The following KCNIP1 variants were observed in gnomAD, a reference collection of about 807,000 sequenced individuals.
The protein encoded by KCNIP1 is potassium voltage-gated channel interacting protein 1, also known as A-type potassium channel modulatory protein KCNIP1.
A neutral mutation model predicts 33.0 loss-of-function variants in KCNIP1; 18 were observed. That is an observed-to-expected ratio of 0.55 (90% confidence interval 0.38 to 0.81). The LOEUF (loss-of-function observed/expected upper bound fraction) is 0.81. Ranked by LOEUF, KCNIP1 falls within the 30% of genes least tolerant of loss-of-function variation. The pLI, the probability that KCNIP1 is intolerant of heterozygous loss-of-function variation, is 0.00. For synonymous variants in KCNIP1, 93 were observed against 98.3 expected, an observed-to-expected ratio of 0.95 and a Z score of 0.32; for missense variants, 238 against 271.6, an observed-to-expected ratio of 0.88 and a Z score of 0.87.
At chr5:170,371,257 C>T (rs996208170) in intron 1 of KCNIP1, among the ~76,000 whole-genome samples, 1 of 152,154 alleles carries the variant, frequency 6.6e-6, no homozygotes, top group South Asian at 2.1e-4. Context: ...TCCTGTCTGT[C>T]TTGGCAGTGC....
intron 1 of KCNIP1, among the ~76,000 whole-genome samples, chr5:170,480,500 A>T (rs1305910585): frequency 6.9e-6 from 1 of 145,824 alleles, no homozygotes; most frequent in Non-Finnish European, 1.5e-5. Flanking sequence ...TTTTTGAGAC[A>T]AAGTCTCGCT....
At chr5:170,443,058 C>T (rs572908753) in intron 1 of KCNIP1, among the ~76,000 whole-genome samples, 1 of 152,330 alleles carries the variant, frequency 6.6e-6, no homozygotes, top group South Asian at 2.1e-4. Context: ...TCCCTTCCCT[C>T]ATCCTGTGGG....
intron 1 of KCNIP1, among the ~76,000 whole-genome samples, chr5:170,583,699 T>C (rs1340641057): frequency 6.6e-6 from 1 of 152,184 alleles, no homozygotes; most frequent in Non-Finnish European, 1.5e-5. Context: ...TCCTGTTAGA[T>C]CACCCACCCC....
intron 1 of KCNIP1, among the ~76,000 whole-genome samples, chr5:170,358,694 G>GC (rs1763414602): frequency 6.6e-6 from 1 of 152,196 alleles, no homozygotes; most frequent in Admixed American, 6.5e-5. Context: ...CAGGGCACCC[G>GC]CCCCCGCTTA....
chr5:170,735,951 CT>C lies in KCNIP1; in HGVS notation c.*148del. 1.5e-6 allele frequency: 1 copy of C among 664,294 alleles called. No individual in the cohort carries two copies. The highest frequency in any genetic ancestry group is 2.6e-6 in the Non-Finnish European group (1 of 381,608). The allele number at this position is 664,294 out of a possible 1,614,324, so 41.1% of individuals were successfully genotyped here. A position where few individuals can be genotyped will look rare whatever the true frequency, so the allele number is the denominator to read the frequency against. On this transcript the variant is annotated 3_prime_UTR_variant, in exon 8 of 8. Coordinates refer to ENST00000328939, the MANE Select transcript of KCNIP1 (RefSeq NM_014592.4). ...CTTTGGAAGAATTCTCTGCTGAAGA[CT>C]TTCTATGGAACCCAGCATCATGTGG...
intron 1 of KCNIP1, among the ~76,000 whole-genome samples, chr5:170,432,065 T>A (rs1195236281): frequency 2.0e-5 from 3 of 152,060 alleles, no homozygotes; most frequent in Non-Finnish European, 2.9e-5. Context: ...TGAGCCATCT[T>A]CTTACAGCTG....
At chr5:170,530,473 C>A (rs995470829) in intron 1 of KCNIP1, among the ~76,000 whole-genome samples, 1 of 152,200 alleles carries the variant, frequency 6.6e-6, no homozygotes, top group Admixed American at 6.5e-5. Context: ...TGTATCCGGA[C>A]TGCAAGGATG....
intron 1 of KCNIP1, among the ~76,000 whole-genome samples, chr5:170,493,263 C>T (rs1169952621): frequency 6.6e-6 from 1 of 152,214 alleles, no homozygotes; most frequent in Non-Finnish European, 1.5e-5. Flanking sequence ...TGGCAGCTTG[C>T]ACAATGGGTT....
At chr5:170,711,540 C>T (rs1278786209) in intron 1 of KCNIP1, among the ~76,000 whole-genome samples, 1 of 152,164 alleles carries the variant, frequency 6.6e-6, no homozygotes, top group Non-Finnish European at 1.5e-5. Context: ...AAAGCATGAA[C>T]TCTAATGTAA....
At chr5:170,395,460 G>A (rs969883028) in intron 1 of KCNIP1, among the ~76,000 whole-genome samples, 2 of 152,326 alleles carry the variant, frequency 1.3e-5, no homozygotes, top group Middle Eastern at 3.4e-3. Context: ...TTTAAGAAGG[G>A]TACTTGCTTC....
chr5:170,527,229 G>T (rs1755612309), intron 1 of KCNIP1, among the ~76,000 whole-genome samples: 1 of 152,096 alleles, frequency 6.6e-6, no homozygotes. Context: ...AGCTTCCAGG[G>T]TCTGACACAT....
At chr5:170,562,174 G>T (rs1757054658) in intron 1 of KCNIP1, among the ~76,000 whole-genome samples, 1 of 152,228 alleles carries the variant, frequency 6.6e-6, no homozygotes, top group Non-Finnish European at 1.5e-5. Flanking sequence ...TGACAAGAAA[G>T]CTTCTTGGAG....
In KCNIP1 at chr5:170,504,122, G is replaced by C. The variant is rs1273559782; in HGVS notation, c.-451G>C. 1 of 990,246 alleles carries C rather than the reference G, an allele frequency of 1.0e-6. No individual in the cohort carries two copies. The highest frequency in any genetic ancestry group is 1.2e-6 in the Non-Finnish European group (1 of 833,806). 61.3% of individuals were successfully genotyped at this position (990,246 alleles called of 1,614,324 possible). ...CTCTGTTCATTCATGATTGGTACTC[G>C]GCCCTCCGAGACCCAGCCCGAGCGC... On this transcript the variant is annotated 5_prime_UTR_variant, in exon 1 of 8. Coordinates refer to ENST00000328939, the MANE Select transcript of KCNIP1 (RefSeq NM_014592.4). The surrounding 1 kb of genome is among the most constrained non-coding windows in gnomAD (Gnocchi z 6.0).
chr5:170,509,654 C>T (rs1474256085), intron 1 of KCNIP1, among the ~76,000 whole-genome samples: 4 of 152,118 alleles, frequency 2.6e-5, no homozygotes, highest in Non-Finnish European at 4.4e-5. Context: ...GAATAAATGA[C>T]CACATGAATG....
At chr5:170,400,626 G>T (rs939320608) in intron 1 of KCNIP1, among the ~76,000 whole-genome samples, 1 of 152,224 alleles carries the variant, frequency 6.6e-6, no homozygotes, top group Admixed American at 6.5e-5. Flanking sequence ...ACTGTGCTAA[G>T]TACTTGAACT....
intron 1 of KCNIP1, among the ~76,000 whole-genome samples, chr5:170,496,288 T>C (rs1435762963): frequency 6.6e-6 from 1 of 152,240 alleles, no homozygotes. Flanking sequence ...TATCTCTGAG[T>C]CCCCAGTGAA....
At chr5:170,560,154 G>A (rs186843829) in intron 1 of KCNIP1, among the ~76,000 whole-genome samples, 3 of 152,230 alleles carry the variant, frequency 2.0e-5, no homozygotes, top group East Asian at 3.9e-4. Flanking sequence ...GCAGTGTGGG[G>A]CAGGACAGAG....
intron 1 of KCNIP1, among the ~76,000 whole-genome samples, chr5:170,429,583 C>G (rs1270671628): frequency 1.3e-5 from 2 of 152,062 alleles, no homozygotes; most frequent in East Asian, 3.9e-4. Context: ...TATATTGTAC[C>G]CATCAACTAA....
Position 170,393,789 on chromosome 5 carries a change from T to C in KCNIP1, c.88+39825T>C, listed in dbSNP as rs75804631. On this transcript the variant is annotated intron_variant, in intron 1 of 7. Transcript: ENST00000377360. ...CTCACTCCTTTTTCCTCTGACTCTT[T>C]TCACCATATTTTCCCTTGGCCTGAT... Among the ~76,000 whole-genome samples the C allele has an allele frequency of 3.7e-3, 570 of 152,302 alleles. 3 individuals are homozygous for C. The highest frequency in any genetic ancestry group is 0.013 in the African/African-American group (555 of 41,558).
Sources: gnomAD v4.1 joint callset for allele counts (sites outside exome capture counted in the v4.1 genomes callset) on GRCh38, gnomAD v4.1.1 for gene constraint, Gnocchi (gnomAD v3.1) non-coding constraint, MANE v1.5 for transcripts, NCBI Gene and HGNC (gene_info 2026-07-23, HGNC 2026-07-21) for gene names.